Variants in ANKMY1 observed in about 807,000 individuals in gnomAD.
The protein encoded by ANKMY1 is ankyrin repeat and MYND domain-containing protein 1.
ANKMY1 carries 98 observed loss-of-function variants against 102.0 expected under a neutral mutation model. The ratio of observed to expected loss-of-function variants is 0.96; its 90% CI spans 0.82 to 1.14. The LOEUF (loss-of-function observed/expected upper bound fraction) is 1.14, where lower values mean the gene tolerates loss of function less well. ANKMY1 is among the 50% of genes most tolerant of loss of function. The pLI is 0.00. For synonymous variants in ANKMY1, 582 were observed against 559.9 expected (o/e 1.04, Z -0.56); for missense variants, 1,330 against 1,347.6 (o/e 0.99, Z 0.20).
intron 13 of ANKMY1, among the ~76,000 whole-genome samples, chr2:240,503,736 T>G (rs1464147108): frequency 6.6e-6 from 1 of 152,198 alleles, no homozygotes; most frequent in African/African-American, 2.4e-5. Flanking sequence ...TGGGTTCACC[T>G]GGGTCCCCTA....
Position 240,538,333 on chromosome 2 carries a change from G to A in ANKMY1, c.481-8824C>T, listed in dbSNP as rs867333285. On this transcript the variant is annotated intron_variant, in intron 4 of 17. Transcript: ENST00000401804. ...GCGAGCGGCGCTCAGGGGCCAGCGC[G>A]AGTTCTGGGTGGGCGTGGGCTCGGG... is the stretch of plus-strand genomic sequence containing the variant. 1.6e-4 allele frequency among the ~76,000 whole-genome samples: 24 copies of A among 152,300 alleles called. No homozygotes were observed. In the South Asian group the frequency reaches 2.5e-3, roughly 16 times the overall value.
intron 4 of ANKMY1, among the ~76,000 whole-genome samples, chr2:240,541,483 T>C (rs1399289136): frequency 2.0e-5 from 3 of 151,792 alleles, no homozygotes; most frequent in Admixed American, 6.6e-5. Context: ...TTGAGTTCCA[T>C]GTGGCTTTTA....
downstream of ANKMY1, among the ~76,000 whole-genome samples, chr2:240,477,177 G>A (rs4372899): frequency 0.18 from 27,874 of 152,102 alleles, 3,784 homozygotes; most frequent in East Asian, 0.66. Flanking sequence ...TTAGCTGGGC[G>A]TGGTGGCGCA....
At chr2:240,478,569 C>G (rs921052149), downstream of ANKMY1, among the ~76,000 whole-genome samples, 4 of 152,088 alleles carry the variant, frequency 2.6e-5, no homozygotes, top group Admixed American at 6.5e-5. Context: ...GTACAAAGGC[C>G]TGGTCCCTGC....
At chr2:240,469,869 A>T in the ANKMY1 span, among the ~76,000 whole-genome samples, 3 of 152,020 alleles carry the variant, frequency 2.0e-5, no homozygotes, top group African/African-American at 7.3e-5. Context: ...TACACACACA[A>T]GCACACATAT....
intron 4 of ANKMY1, among the ~76,000 whole-genome samples, chr2:240,542,594 G>A (rs1384819379): frequency 1.3e-5 from 2 of 151,990 alleles, no homozygotes; most frequent in African/African-American, 4.8e-5. Context: ...GAGGCTAATA[G>A]AGTTCAGACA....
At chr2:240,526,992 C>T (rs1309395762) in intron 5 of ANKMY1, 1 of 1,002,668 alleles carries the variant, frequency 1.0e-6, no homozygotes, top group Non-Finnish European at 1.2e-6. Context: ...CAGTCTTCAA[C>T]AATTACAAGC....
At chr2:240,511,837 C>A in intron 11 of ANKMY1, 24 bp downstream of exon 11, 1 of 1,564,054 alleles carries the variant, frequency 6.4e-7, no homozygotes, top group Non-Finnish European at 8.6e-7. Flanking sequence ...CCCTGTGCCC[C>A]CGCCAGGCCC....
rs1208172687 is a variant in ANKMY1, at chr2:240,480,920, C to G, written c.3046+17G>C. 1.3e-5 allele frequency: 20 copies of G among 1,599,728 alleles called. No individual in the cohort carries two copies. Among genetic ancestry groups the G allele is most frequent in the Non-Finnish European group, 1.7e-5 (20 of 1,168,894 alleles). The stretch of plus-strand genomic sequence containing the variant: ...CAGCAGCGGAACCCTTGCCTCCCAG[C>G]CTGAGGGCCGACCTACCGATGGCCA... On this transcript the variant is annotated intron_variant, in intron 17 of 17. Transcript: ENST00000401804.
At position 240,529,234 on chromosome 2, in the gene ANKMY1, G is replaced by C. The variant is rs2084675017; in HGVS notation, c.756C>G (p.Asn252Lys). 10 of 1,614,098 alleles carry C rather than the reference G, an allele frequency of 6.2e-6. No individual in the cohort carries two copies. The East Asian group carries it at 2.2e-4, about 36-fold the overall frequency. The change falls in exon 5 of 18, where the codon AAC becomes AAG. Residue 252 changes from asparagine to lysine, a missense_variant. Asn to Lys is a moderately conservative substitution (Grantham distance 94). Coordinates refer to ENST00000401804, the MANE Select transcript of ANKMY1 (RefSeq NM_001282771.3). This position sits in a 1 kb window ranked among gnomAD's most constrained non-coding sequence, Gnocchi z 4.2. ...YDYKRFLLND[N>K]LTLPPEMYVY... ...CATACATTTCTGGAGGCAGCGTTAGGTTGTCATTCAGAAGAAACCGCTTAT... is the reference window on the plus strand; with the variant it reads ...CATACATTTCTGGAGGCAGCGTTAGCTTGTCATTCAGAAGAAACCGCTTAT...
intron 11 of ANKMY1, among the ~76,000 whole-genome samples, 162 bp downstream of exon 11, chr2:240,511,699 C>T (rs1258769245): frequency 2.0e-5 from 3 of 152,244 alleles, no homozygotes; most frequent in African/African-American, 4.8e-5. Context: ...TGGGAAATCC[C>T]GTCCTCCCGC....
chr2:240,545,813 A>C (rs2090236216), intron 4 of ANKMY1, among the ~76,000 whole-genome samples: 1 of 152,210 alleles, frequency 6.6e-6, no homozygotes, highest in South Asian at 2.1e-4. Flanking sequence ...TTAGAGAAAA[A>C]AGAATAAAAA....
intron 4 of ANKMY1, among the ~76,000 whole-genome samples, chr2:240,550,336 G>A (rs552847959): frequency 7.2e-4 from 102 of 141,002 alleles, no homozygotes; most frequent in African/African-American, 2.7e-3. Context: ...ACACAGGAAG[G>A]GGAACATCAC....
chr2:240,537,417 C>T (rs1306183632), intron 4 of ANKMY1, among the ~76,000 whole-genome samples: 1 of 152,166 alleles, frequency 6.6e-6, no homozygotes, highest in African/African-American at 2.4e-5. Flanking sequence ...AAGAATTTCC[C>T]CTTTTCCTTT....
At position 240,520,709 on chromosome 2, in the gene ANKMY1, A is replaced by T. The variant is rs1045842074; in HGVS notation, c.1833-176T>A. ...CACACGCAGACACACCACACAGCAC[A>T]CAACTACACACAAGCCACACCAGAG... On this transcript the variant is annotated intron_variant, in intron 8 of 17. Coordinates refer to ENST00000401804, the MANE Select transcript of ANKMY1 (RefSeq NM_001282771.3). This position sits in a 1 kb window ranked among gnomAD's most constrained non-coding sequence, Gnocchi z 4.8. Among the ~76,000 whole-genome samples the T allele has an allele frequency of 6.6e-6, 1 of 151,576 alleles. No individual in the cohort carries two copies. The highest frequency in any genetic ancestry group is 2.4e-5 in the African/African-American group (1 of 41,214).
chr2:240,549,415 GA>G (rs1366073135), intron 4 of ANKMY1, among the ~76,000 whole-genome samples: 1 of 152,120 alleles, frequency 6.6e-6, no homozygotes, highest in East Asian at 1.9e-4. Flanking sequence ...AAAAACCCTA[GA>G]AGAAACCTAG....
intron 4 of ANKMY1, among the ~76,000 whole-genome samples, chr2:240,541,290 A>C (rs972558301): frequency 2.0e-5 from 3 of 152,088 alleles, no homozygotes; most frequent in African/African-American, 7.2e-5. Context: ...AAGCACTCCA[A>C]CTGTTTCAGT....
intron 4 of ANKMY1, among the ~76,000 whole-genome samples, chr2:240,542,750 A>C (rs1336472131): frequency 2.0e-5 from 3 of 149,124 alleles, no homozygotes; most frequent in Non-Finnish European, 3.0e-5. Flanking sequence ...GTATAAATTT[A>C]TTATGTTATA....
chr2:240,542,814 A>T (rs961936138), intron 4 of ANKMY1, among the ~76,000 whole-genome samples: 1 of 150,082 alleles, frequency 6.7e-6, no homozygotes, highest in African/African-American at 2.4e-5. Flanking sequence ...AAATTAAGTA[A>T]ATAAGTCCAA....
Sources: allele counts gnomAD v4.1 joint callset (sites outside exome capture counted in the v4.1 genomes callset), GRCh38; gene constraint gnomAD v4.1.1; non-coding constraint Gnocchi (gnomAD v3.1); transcripts MANE v1.5; gene names NCBI Gene and HGNC (gene_info 2026-07-23, HGNC 2026-07-21).